KLK2: variants seen among roughly 807,000 people sequenced by gnomAD.
KLK2 encodes kallikrein related peptidase 2, also known as kallikrein-2.
In KLK2, 17 loss-of-function variants were observed where a neutral mutation model predicts 23.0. The ratio of observed to expected loss-of-function variants is 0.74; its 90% CI spans 0.51 to 1.11. The LOEUF (loss-of-function observed/expected upper bound fraction) is 1.11. Ranked by LOEUF, KLK2 falls within the 50% of genes least tolerant of loss-of-function variation. KLK2 has a pLI of 0.00. For missense variants in KLK2, 330 were observed against 325.9 expected (o/e 1.01, Z -0.10); for synonymous variants, 140 against 124.7 (o/e 1.12, Z -0.82).
chr19:50,873,498 G>A lies in KLK2; in HGVS notation c.25G>A (p.Ala9Thr), dbSNP rs2090251670. MWDLVLSI[A>T]LSVGCTGAVP... ...CATGTGGGACCTGGTTCTCTCCATC[G>A]CCTTGTCTGTGGGGTGCACTGGTGA... The change falls in exon 1 of 5, where the codon GCC (alanine) becomes ACC (threonine). Residue 9 changes from alanine to threonine, a missense_variant. Physicochemically the swap from Ala to Thr is moderately conservative, Grantham distance 58. Coordinates refer to ENST00000325321, the MANE Select transcript of KLK2 (RefSeq NM_005551.5). The A allele has an allele frequency of 2.5e-6, 4 of 1,601,770 alleles. 1 individual carries two copies. Among genetic ancestry groups the A allele is most frequent in the Non-Finnish European group, 3.4e-6 (4 of 1,172,836 alleles).
intron 2 of KLK2, 84 bp downstream of exon 2, chr19:50,874,964 C>A: frequency 6.7e-7 from 1 of 1,499,848 alleles, no homozygotes; most frequent in Admixed American, 2.1e-5. Context: ...GGTCACTTCT[C>A]AGGTGAGGCT....
At position 50,878,075 on chromosome 19, in the gene KLK2, C is replaced by T. The variant is rs1040154818; in HGVS notation, c.631-329C>T. Among the ~76,000 whole-genome samples, 5 of 152,152 alleles carry T rather than the reference C, an allele frequency of 3.3e-5. No individual in the cohort carries two copies. The East Asian group carries it at 7.7e-4, about 23-fold the overall frequency. On this transcript the variant is annotated intron_variant, in intron 4 of 4. Coordinates refer to ENST00000325321, the MANE Select transcript of KLK2 (RefSeq NM_005551.5). ...AGTAGTCCTGAAGAGGTGGCCTCTGCGATGTGCCTGTGGGGGCAGCATCCT... is the reference window on the plus strand; with the variant it reads ...AGTAGTCCTGAAGAGGTGGCCTCTGTGATGTGCCTGTGGGGGCAGCATCCT...
At position 50,878,189 on chromosome 19, in the gene KLK2, G is replaced by A. The variant is rs113644086; in HGVS notation, c.631-215G>A. Among the ~76,000 whole-genome samples, 433 of 152,234 alleles carry A rather than the reference G, an allele frequency of 2.8e-3. 3 individuals carry two copies. Among genetic ancestry groups the A allele is most frequent in the African/African-American group, 9.8e-3 (408 of 41,544 alleles). On this transcript the variant is annotated intron_variant, in intron 4 of 4. Transcript: ENST00000325321. Reference sequence around the variant, plus strand: ...CCTTGTGCAGGAGCTGGACCCTGAAGTCCCCTCCCCATAGGCCAAGACTGG... The same window carrying A: ...CCTTGTGCAGGAGCTGGACCCTGAAATCCCCTCCCCATAGGCCAAGACTGG...
Position 50,879,816 on chromosome 19 carries a change from G to T in KLK2, c.*1257G>T, listed in dbSNP as rs198978. On this transcript the variant is annotated 3_prime_UTR_variant, in exon 5 of 5. Transcript: ENST00000325321. Reference sequence around the variant, plus strand: ...ATATCAAGGCACTTGGGCAGAACATGCCAAGGAATCAAATGTCATCTCCCA... The same window carrying T: ...ATATCAAGGCACTTGGGCAGAACATTCCAAGGAATCAAATGTCATCTCCCA... The T allele has an allele frequency of 0.41, 93,829 of 229,236 alleles. 21,369 individuals are homozygous for T. Among genetic ancestry groups the T allele is most frequent in the African/African-American group, 0.67 (30,261 of 45,140 alleles). 14.2% of individuals were successfully genotyped at this position (229,236 alleles called of 1,614,324 possible).
intron 4 of KLK2, chr19:50,877,395 T>G: frequency 3.9e-6 from 1 of 253,850 alleles, no homozygotes; most frequent in Non-Finnish European, 7.7e-6. Context: ...TGTCAGGAAG[T>G]GATCGGGCTC....
In KLK2 at chr19:50,876,536, C is replaced by T. The variant is rs746651798; in HGVS notation, c.271C>T (p.Pro91Ser). Reference sequence around the variant, plus strand: ...GCCTGAAGACACAGGCCAGAGGGTCCCTGTCAGCCACAGCTTCCCACACCC... The same window carrying T: ...GCCTGAAGACACAGGCCAGAGGGTCTCTGTCAGCCACAGCTTCCCACACCC... The part of the protein sequence containing the change: ...FEPEDTGQRV[P>S]VSHSFPHPLY... Residue 91 changes from proline to serine, a missense_variant, in exon 3 of 5, where the codon CCT becomes TCT. Physicochemically the swap from Pro to Ser is moderately conservative, Grantham distance 74. Coordinates refer to ENST00000325321, the MANE Select transcript of KLK2 (RefSeq NM_005551.5). The T allele has an allele frequency of 6.8e-6, 11 of 1,614,176 alleles. No homozygotes were observed. The highest frequency in any genetic ancestry group is 1.7e-6 in the Non-Finnish European group (2 of 1,180,030).
At position 50,878,397 on chromosome 19, in the gene KLK2, C is replaced by A. The variant is rs952842372; in HGVS notation, c.631-7C>A. The stretch of plus-strand genomic sequence containing the variant: ...TTCTCACTGTGTCTCTCCTCCTTTA[C>A]CCTTAGGGTGATTCTGGGGGTCCAC... On this transcript the variant is annotated splice_polypyrimidine_tract_variant and splice_region_variant and intron_variant, in intron 4 of 4. Coordinates refer to ENST00000325321, the MANE Select transcript of KLK2 (RefSeq NM_005551.5). The A allele has an allele frequency of 1.9e-6, 3 of 1,611,404 alleles. No individual in the cohort carries two copies. Among genetic ancestry groups the A allele is most frequent in the Non-Finnish European group, 2.5e-6 (3 of 1,178,232 alleles).
rs927605904 is a variant in KLK2 at position 50,876,404 on chromosome 19, T to A, written c.207-68T>A. ...TTTCTTCCCTTTGGAGTCTCCCTTA[T>A]CCTCCCCTGCCCCATCTACCTTTCC... On this transcript the variant is annotated intron_variant, in intron 2 of 4. Transcript: ENST00000325321. The A allele has an allele frequency of 6.3e-6, 9 of 1,431,256 alleles. No homozygotes were observed. The African/African-American group carries it at 1.1e-4, about 18-fold the overall frequency. The allele number at this position is 1,431,256 out of a possible 1,614,324, so 88.7% of individuals were successfully genotyped here. A position where few individuals can be genotyped will look rare whatever the true frequency, so the allele number is the denominator to read the frequency against.
intron 2 of KLK2, 90 bp downstream of exon 2, chr19:50,874,970 A>G: frequency 6.7e-7 from 1 of 1,485,460 alleles, no homozygotes; most frequent in South Asian, 1.4e-5. Context: ...TTCTCAGGTG[A>G]GGCTTCAGAC....
Position 50,880,169 on chromosome 19 carries a change from C to G in KLK2, c.*1610C>G, listed in dbSNP as rs547158039. 5 of 229,874 alleles carry G rather than the reference C, an allele frequency of 2.2e-5. No individual in the cohort carries two copies. Among genetic ancestry groups the G allele is most frequent in the Non-Finnish European group, 3.4e-5 (4 of 116,060 alleles). The allele number at this position is 229,874 out of a possible 1,614,324, so 14.2% of individuals were successfully genotyped here. ...TGGTTGAACACCCCACACATAGCAC[C>G]GGAGATATGAGATCAACAGTTTCTT... is the stretch of plus-strand genomic sequence containing the variant. On this transcript the variant is annotated 3_prime_UTR_variant, in exon 5 of 5. Coordinates refer to ENST00000325321, the MANE Select transcript of KLK2 (RefSeq NM_005551.5).
rs946944071 is a variant in KLK2, at chr19:50,878,546, C to T, written c.773C>T (p.Ala258Val). 3 of 1,613,432 alleles carry T rather than the reference C, an allele frequency of 1.9e-6. No individual in the cohort carries two copies. The highest frequency in any genetic ancestry group is 1.7e-4 in the Middle Eastern group (1 of 6,052). The change falls in exon 5 of 5, where the codon GCA becomes GTA. Residue 258 changes from alanine to valine, a missense_variant. Coordinates refer to ENST00000325321, the MANE Select transcript of KLK2 (RefSeq NM_005551.5). The part of the protein sequence containing the change: ...HYRKWIKDTI[A>V]ANP ...CGGAAGTGGATCAAGGACACCATCG[C>T]AGCCAACCCCTGAGTGCCCCTGTCC...
Position 50,880,279 on chromosome 19 carries a change from A to G in KLK2, c.*1720A>G, listed in dbSNP as rs2090331025. The G allele has an allele frequency of 4.4e-6, 1 of 229,866 alleles. No homozygotes were observed. Among genetic ancestry groups the G allele is most frequent in the South Asian group, 1.8e-4 (1 of 5,492 alleles). The allele number at this position is 229,866 out of a possible 1,614,324, so 14.2% of individuals were successfully genotyped here. A position where few individuals can be genotyped will look rare whatever the true frequency, so the allele number is the denominator to read the frequency against. On this transcript the variant is annotated 3_prime_UTR_variant, in exon 5 of 5. Transcript: ENST00000325321. ...GGGGATGCGCTCGGGATTGGTGTGAAGAAGCAAGGACTGTTAGAGGCAGGC... is the reference window on the plus strand; with the variant it reads ...GGGGATGCGCTCGGGATTGGTGTGAGGAAGCAAGGACTGTTAGAGGCAGGC...
Position 50,879,080 on chromosome 19 carries a change from G to A in KLK2, c.*521G>A, listed in dbSNP as rs1041132078. Reference sequence around the variant, plus strand: ...TAGATAAGGCCGTGAGCAGAAAGAAGGGGAGGATCCTCCTATGTTGTTGAA... The same window carrying A: ...TAGATAAGGCCGTGAGCAGAAAGAAAGGGAGGATCCTCCTATGTTGTTGAA... On this transcript the variant is annotated 3_prime_UTR_variant, in exon 5 of 5. Transcript: ENST00000325321. The A allele has an allele frequency of 3.4e-5, 8 of 233,258 alleles. No individual in the cohort carries two copies. The highest frequency in any genetic ancestry group is 1.8e-4 in the African/African-American group (8 of 45,340). 14.4% of individuals were successfully genotyped at this position (233,258 alleles called of 1,614,324 possible).
At chr19:50,878,078 T>C (rs1438517062) in intron 4 of KLK2, among the ~76,000 whole-genome samples, 2 of 152,166 alleles carry the variant, frequency 1.3e-5, no homozygotes, top group Admixed American at 1.3e-4. Flanking sequence ...GCCTCTGCGA[T>C]GTGCCTGTGG....
chr19:50,877,126 GC>G, intron 4 of KLK2, 118 bp downstream of exon 4: 1 of 1,362,228 alleles, frequency 7.3e-7, no homozygotes, highest in Non-Finnish European at 1.0e-6. Context: ...CTATAGCCAC[GC>G]CCCCTCCCCA....
rs545226444 is a variant in KLK2, at chr19:50,875,954, T to C, written c.207-518T>C. Reference sequence around the variant, plus strand: ...CCCAGCTGCAGGTGAGCCACCCTCATGCCTCTCCTCCTCCCCCTGCTACTC... The same window carrying C: ...CCCAGCTGCAGGTGAGCCACCCTCACGCCTCTCCTCCTCCCCCTGCTACTC... On this transcript the variant is annotated intron_variant, in intron 2 of 4. Transcript: ENST00000325321. The C allele has an allele frequency of 1.8e-4, 30 of 168,252 alleles. 2 individuals carry two copies. In the South Asian group the frequency reaches 4.1e-3, roughly 23 times the overall value. 10.4% of individuals were successfully genotyped at this position (168,252 alleles called of 1,614,324 possible).
In KLK2 at chr19:50,880,213, C is replaced by G. The variant is rs1600023280; in HGVS notation, c.*1654C>G. ...GTTTCTTAGCCATAGAGATTCACAG[C>G]CCAGAGCAGGAGGACGCTGCACACC... On this transcript the variant is annotated 3_prime_UTR_variant, in exon 5 of 5. Coordinates refer to ENST00000325321, the MANE Select transcript of KLK2 (RefSeq NM_005551.5). 4.3e-6 allele frequency: 1 copy of G among 230,660 alleles called. No homozygotes were observed. The highest frequency in any genetic ancestry group is 8.6e-6 in the Non-Finnish European group (1 of 116,526). The allele number at this position is 230,660 out of a possible 1,614,324, so 14.3% of individuals were successfully genotyped here.
Position 50,876,577 on chromosome 19 carries a change from C to T in KLK2, c.312C>T (p.Ser104=). ...HSFPHPLYNM[S]LLKHQSLRPD... ...TCCCACACCCGCTCTACAATATGAG[C>T]CTTCTGAAGCATCAAAGCCTTAGAC... is the stretch of plus-strand genomic sequence containing the variant. The change falls in exon 3 of 5, where the codon AGC becomes AGT. Residue 104 remains serine (S), a synonymous_variant. Transcript: ENST00000325321. The T allele has an allele frequency of 6.2e-7, 1 of 1,614,160 alleles. No homozygotes were observed. Among genetic ancestry groups the T allele is most frequent in the Non-Finnish European group, 8.5e-7 (1 of 1,180,014 alleles).
rs759727230 is a variant in KLK2, at chr19:50,876,562, G to A, written c.297G>A (p.Pro99=). ...CTGTCAGCCACAGCTTCCCACACCC[G>A]CTCTACAATATGAGCCTTCTGAAGC... is the stretch of plus-strand genomic sequence containing the variant. The part of the protein sequence containing the change: ...RVPVSHSFPH[P]LYNMSLLKHQ... The change falls in exon 3 of 5, where the codon CCG becomes CCA. Residue 99 remains proline, a synonymous_variant. Coordinates refer to ENST00000325321, the MANE Select transcript of KLK2 (RefSeq NM_005551.5). The A allele has an allele frequency of 3.8e-5, 61 of 1,613,992 alleles. No homozygotes were observed. The highest frequency in any genetic ancestry group is 6.7e-5 in the East Asian group (3 of 44,888).
Sources: gnomAD v4.1 joint callset for allele counts (sites outside exome capture counted in the v4.1 genomes callset) on GRCh38, gnomAD v4.1.1 for gene constraint, MANE v1.5 for transcripts, NCBI Gene and HGNC (gene_info 2026-07-23, HGNC 2026-07-21) for gene names.